ANO10: variants seen among roughly 807,000 people sequenced by gnomAD.
ANO10 encodes the protein anoctamin 10, also known as anoctamin-10.
ANO10 carries 77 observed loss-of-function variants against 74.7 expected under a neutral mutation model. The observed-to-expected ratio is 1.03, with a 90% confidence interval of 0.86 to 1.25. The LOEUF (loss-of-function observed/expected upper bound fraction) is 1.25. Among genes scored for constraint, ANO10 ranks in the 50% most tolerant of loss-of-function variants. The probability of loss-of-function intolerance (pLI) is 0.00; values close to 1 mark genes in which losing one functional copy is unlikely to be tolerated. For missense variants in ANO10, 721 were observed against 778.1 expected (o/e 0.93, Z 0.87); for synonymous variants, 279 against 284.9 (o/e 0.98, Z 0.21).
upstream of ANO10, among the ~76,000 whole-genome samples, chr3:43,623,020 C>T (rs558143845): frequency 6.6e-6 from 1 of 152,300 alleles, no homozygotes; most frequent in South Asian, 2.1e-4. Context: ...CGCGCACCAT[C>T]ATGCCCAGCT....
chr3:43,682,704 C>A (rs1350550972), intron 1 of ANO10, among the ~76,000 whole-genome samples: 1 of 152,172 alleles, frequency 6.6e-6, no homozygotes, highest in Non-Finnish European at 1.5e-5. Flanking sequence ...AAACCGAATC[C>A]AGCAGCACAT....
At chr3:43,484,810 G>A (rs2076401683) in intron 11 of ANO10, among the ~76,000 whole-genome samples, 1 of 152,166 alleles carries the variant, frequency 6.6e-6, no homozygotes, top group African/African-American at 2.4e-5. Context: ...CAGTTGGTGG[G>A]GGGACTTAGG....
intron 7 of ANO10, among the ~76,000 whole-genome samples, chr3:43,569,198 C>A (rs1372802102): frequency 1.8e-3 from 226 of 124,092 alleles, no homozygotes; most frequent in South Asian, 3.8e-3. Flanking sequence ...TAATCAATAG[C>A]TTACCAACCA....
At chr3:43,628,442 C>T (rs1170657791) in intron 1 of ANO10, among the ~76,000 whole-genome samples, 3 of 152,192 alleles carry the variant, frequency 2.0e-5, no homozygotes, top group Admixed American at 6.5e-5. Context: ...GCCTCAGGAC[C>T]CTGTGATAAT....
Position 43,574,790 on chromosome 3 carries a change from A to G in ANO10, c.1218+19T>C. The G allele has an allele frequency of 6.2e-7, 1 of 1,602,412 alleles. No homozygotes were observed. Among genetic ancestry groups the G allele is most frequent in the Non-Finnish European group, 8.6e-7 (1 of 1,169,428 alleles). On this transcript the variant is annotated intron_variant, in intron 7 of 12. Transcript: ENST00000292246. ...TACCAGTTTCATAAAATGGATTTGT[A>G]CATAAACGCTGTACTTACCACTAAA...
Position 43,367,337 on chromosome 3 carries a change from T to G in ANO10, c.1915-363A>C, listed in dbSNP as rs2125662932. Among the ~76,000 whole-genome samples, 2 of 152,278 alleles carry G rather than the reference T, an allele frequency of 1.3e-5. 1 individual carries two copies. Among genetic ancestry groups the G allele is most frequent in the Middle Eastern group, 6.8e-3 (2 of 294 alleles). ...CAAGTGCTTGCTTTGCCCCTGTGCT[T>G]TGAGCGACCCTGGCAGTTTGACCTC... is the stretch of plus-strand genomic sequence containing the variant. On this transcript the variant is annotated intron_variant, in intron 12 of 12. Transcript: ENST00000292246.
chr3:43,658,412 A>C (rs1002801966), intron 1 of ANO10, among the ~76,000 whole-genome samples: 3 of 152,150 alleles, frequency 2.0e-5, no homozygotes, highest in African/African-American at 7.2e-5. Flanking sequence ...AACTGCAATC[A>C]TAAGGATGAA....
intron 12 of ANO10, among the ~76,000 whole-genome samples, chr3:43,386,648 C>CATGTGT (rs1553643241): frequency 1.4e-5 from 2 of 139,892 alleles, no homozygotes; most frequent in East Asian, 2.2e-4. Context: ...TAGGTGTGTA[C>CATGTGT]GTGTGTGTGT....
chr3:43,486,808 C>A (rs2076509287), intron 11 of ANO10, among the ~76,000 whole-genome samples: 2 of 151,356 alleles, frequency 1.3e-5, no homozygotes, highest in Admixed American at 1.3e-4. Context: ...CTTCTCCTGC[C>A]TAATGGCCCT....
At chr3:43,569,168 A>G (rs1251558715) in intron 7 of ANO10, among the ~76,000 whole-genome samples, 1 of 148,416 alleles carries the variant, frequency 6.7e-6, no homozygotes, top group Non-Finnish European at 1.5e-5. Flanking sequence ...GACCAATAAC[A>G]GGAGCTGAAA....
chr3:43,471,271 A>G (rs1249704641), intron 11 of ANO10, among the ~76,000 whole-genome samples: 1 of 152,236 alleles, frequency 6.6e-6, no homozygotes, highest in Admixed American at 6.5e-5. Flanking sequence ...TTAGGAAAAA[A>G]ATCAAGTATA....
chr3:43,664,939 A>G (rs1433827506), intron 1 of ANO10, among the ~76,000 whole-genome samples: 1 of 152,234 alleles, frequency 6.6e-6, no homozygotes, highest in Non-Finnish European at 1.5e-5. Context: ...AGTGTAAATT[A>G]GTTCAACCAT....
intron 12 of ANO10, among the ~76,000 whole-genome samples, chr3:43,383,402 C>T (rs1039122392): frequency 3.4e-5 from 5 of 145,508 alleles, no homozygotes; most frequent in Admixed American, 7.0e-5. Flanking sequence ...TGCAGTGAGC[C>T]GAGACTGTGC....
At chr3:43,515,536 T>C (rs978989889) in intron 11 of ANO10, among the ~76,000 whole-genome samples, 2 of 152,174 alleles carry the variant, frequency 1.3e-5, no homozygotes, top group African/African-American at 2.4e-5. Flanking sequence ...CAATTCCCTA[T>C]AATAAATCTC....
chr3:43,649,771 G>A (rs771599964), intron 1 of ANO10, among the ~76,000 whole-genome samples: 1 of 152,166 alleles, frequency 6.6e-6, no homozygotes, highest in Non-Finnish European at 1.5e-5. Flanking sequence ...TTAGTGAAAC[G>A]GATGAGTTCC....
chr3:43,376,620 A>T lies in ANO10; in HGVS notation c.1915-9646T>A, dbSNP rs143514836. ...GAAGACATGGGAATGATGTTCCCAG[A>T]TGGGAGGACCAAAAAGACAATGAAG... is the stretch of plus-strand genomic sequence containing the variant. On this transcript the variant is annotated intron_variant, in intron 12 of 12. Coordinates refer to ENST00000292246, the MANE Select transcript of ANO10 (RefSeq NM_018075.5). Among the ~76,000 whole-genome samples, 24 of 152,364 alleles carry T rather than the reference A, an allele frequency of 1.6e-4. No individual in the cohort carries two copies. The East Asian group carries it at 4.6e-3, about 29-fold the overall frequency.
At chr3:43,535,065 C>G (rs1295560654) in intron 11 of ANO10, among the ~76,000 whole-genome samples, 1 of 151,796 alleles carries the variant, frequency 6.6e-6, no homozygotes, top group Non-Finnish European at 1.5e-5. Flanking sequence ...CCTTCGCCTC[C>G]CAGGTTCAAG....
intron 1 of ANO10, among the ~76,000 whole-genome samples, chr3:43,664,861 TAA>T (rs1192718466): frequency 2.0e-5 from 3 of 152,106 alleles, no homozygotes; most frequent in Admixed American, 6.6e-5. Context: ...TGGCGATCAT[TAA>T]AAAGTCAGGA....
At chr3:43,649,380 T>C (rs1229168926) in intron 1 of ANO10, among the ~76,000 whole-genome samples, 2 of 152,220 alleles carry the variant, frequency 1.3e-5, no homozygotes, top group African/African-American at 4.8e-5. Context: ...ATATACTGAT[T>C]ATAGCTGCTT....
Sources: allele counts gnomAD v4.1 joint callset (sites outside exome capture counted in the v4.1 genomes callset), GRCh38; gene constraint gnomAD v4.1.1; transcripts MANE v1.5; gene names NCBI Gene and HGNC (gene_info 2026-07-23, HGNC 2026-07-21).